The following PRKD1 variants were observed in gnomAD, a reference collection of about 807,000 sequenced individuals.
The protein encoded by PRKD1 is serine/threonine-protein kinase D1.
Under a neutral mutation model 95.9 loss-of-function variants are expected in PRKD1, and 63 were observed. The observed-to-expected ratio is 0.66, with a 90% confidence interval of 0.54 to 0.81. PRKD1 has a LOEUF of 0.81. PRKD1 is among the 30% of genes least tolerant of loss of function. The probability of loss-of-function intolerance (pLI) is 0.00; values close to 1 mark genes in which losing one functional copy is unlikely to be tolerated. For missense variants in PRKD1, 1,048 were observed against 1,165.3 expected (o/e 0.90, Z 1.47); for synonymous variants, 425 against 423.1 (o/e 1.00, Z -0.05).
chr14:29,660,735 T>G (rs907896633), intron 4 of PRKD1, among the ~76,000 whole-genome samples: 5 of 152,126 alleles, frequency 3.3e-5, no homozygotes, highest in African/African-American at 1.2e-4. Flanking sequence ...AATAAAAAGA[T>G]GAGTAAAGCA....
At chr14:29,682,454 T>C (rs1883590558) in intron 2 of PRKD1, among the ~76,000 whole-genome samples, 1 of 152,208 alleles carries the variant, frequency 6.6e-6, no homozygotes, top group Non-Finnish European at 1.5e-5. Context: ...CTTTGGAATA[T>C]TCTGAAAAAT....
chr14:29,764,138 T>G (rs895630385), intron 1 of PRKD1, among the ~76,000 whole-genome samples: 1 of 152,058 alleles, frequency 6.6e-6, no homozygotes. Context: ...ATAGACTCAG[T>G]CAAAATCTCT....
At chr14:29,882,229 T>C (rs1018304265) in intron 1 of PRKD1, among the ~76,000 whole-genome samples, 7 of 152,226 alleles carry the variant, frequency 4.6e-5, no homozygotes, top group Non-Finnish European at 7.3e-5. Flanking sequence ...TCAATTAATC[T>C]ACAAATAATA....
At chr14:29,675,497 C>T (rs1463764249) in intron 2 of PRKD1, among the ~76,000 whole-genome samples, 5 of 152,168 alleles carry the variant, frequency 3.3e-5, no homozygotes, top group South Asian at 2.1e-4. Flanking sequence ...TAGCTTCTTT[C>T]GGTATAATGC....
intron 2 of PRKD1, among the ~76,000 whole-genome samples, chr14:29,720,779 CA>C (rs199687649): frequency 6.8e-6 from 1 of 146,782 alleles, no homozygotes; most frequent in African/African-American, 2.6e-5. Flanking sequence ...GATTCTGTCT[CA>C]AAAAAAATAA....
At position 29,666,083 on chromosome 14, in the gene PRKD1, A is replaced by G; in HGVS notation, c.529T>C (p.Cys177Arg). Residue 177 changes from cysteine (C) to arginine (R), a missense_variant, in exon 3 of 18, where the codon TGT becomes CGT. By Grantham distance (180) the Cys-to-Arg change is radical (BLOSUM62 -3). This residue lies in a region of PRKD1 where 275 missense variants were observed against 248.6 expected (regional missense o/e 1.11). Transcript: ENST00000331968. ...TGGGAAGAAAATAACTTACCTTCAC[A>G]TTTAAGACCTTGACGTACCAGCCCC... ...LWGLVRQGLK[C>R]EGCGLNYHKR... 1.3e-6 allele frequency: 2 copies of G among 1,589,170 alleles called. No individual in the cohort carries two copies.
At chr14:29,598,000 G>A (rs1893372773) in intron 15 of PRKD1, among the ~76,000 whole-genome samples, 2 of 152,140 alleles carry the variant, frequency 1.3e-5, no homozygotes, top group South Asian at 4.1e-4. Flanking sequence ...CCTTGGCAGG[G>A]TGCAGTGGCT....
intron 2 of PRKD1, among the ~76,000 whole-genome samples, chr14:29,714,987 A>G (rs1467779034): frequency 6.6e-6 from 1 of 152,134 alleles, no homozygotes; most frequent in Non-Finnish European, 1.5e-5. Flanking sequence ...GAGGGATAAC[A>G]TTAGGAGAAA....
chr14:29,740,720 C>T (rs568453829), intron 1 of PRKD1, among the ~76,000 whole-genome samples: 2 of 152,234 alleles, frequency 1.3e-5, no homozygotes, highest in South Asian at 2.1e-4. Context: ...ATCTTCAATT[C>T]TACTATTTGA....
At chr14:29,907,513 C>T (rs971372329) in intron 1 of PRKD1, among the ~76,000 whole-genome samples, 1 of 152,140 alleles carries the variant, frequency 6.6e-6, no homozygotes, top group African/African-American at 2.4e-5. Context: ...AGGCAAAGAT[C>T]CCTGGTCGTG....
chr14:29,646,894 G>A (rs2139163302), intron 4 of PRKD1, among the ~76,000 whole-genome samples: 1 of 152,232 alleles, frequency 6.6e-6, no homozygotes, highest in Non-Finnish European at 1.5e-5. Flanking sequence ...GTTCATATAG[G>A]AACGCACATG....
intron 4 of PRKD1, among the ~76,000 whole-genome samples, chr14:29,644,930 C>G (rs1467387892): frequency 6.6e-6 from 1 of 151,918 alleles, no homozygotes; most frequent in Non-Finnish European, 1.5e-5. Context: ...TTTCATAGCA[C>G]TTTACATGGA....
At chr14:29,786,367 GA>G (rs1343267736) in intron 1 of PRKD1, among the ~76,000 whole-genome samples, 4 of 152,140 alleles carry the variant, frequency 2.6e-5, no homozygotes, top group African/African-American at 9.7e-5. Context: ...ACTGGGTTAG[GA>G]AGAATTCCCT....
chr14:29,766,327 C>A (rs183230800), intron 1 of PRKD1, among the ~76,000 whole-genome samples: 16 of 152,306 alleles, frequency 1.1e-4, no homozygotes, highest in Admixed American at 5.2e-4. Flanking sequence ...TCCTTGATAG[C>A]TTTCTCAACC....
chr14:29,810,797 T>C (rs1594539478), intron 1 of PRKD1, among the ~76,000 whole-genome samples: 1 of 152,262 alleles, frequency 6.6e-6, no homozygotes, highest in East Asian at 1.9e-4. Context: ...ACAAACTATG[T>C]ATTTCAGCAC....
intron 1 of PRKD1, among the ~76,000 whole-genome samples, chr14:29,875,099 T>C (rs1252004204): frequency 6.6e-6 from 1 of 152,210 alleles, no homozygotes; most frequent in African/African-American, 2.4e-5. Context: ...GTAAATATAT[T>C]AATTCTTTAT....
intron 2 of PRKD1, among the ~76,000 whole-genome samples, chr14:29,699,792 A>G (rs560645235): frequency 6.6e-6 from 1 of 152,262 alleles, no homozygotes; most frequent in South Asian, 2.1e-4. Context: ...TCTTTGTTTT[A>G]CTGATTCAAA....
chr14:29,806,671 T>A (rs1198916434), intron 1 of PRKD1, among the ~76,000 whole-genome samples: 1 of 152,180 alleles, frequency 6.6e-6, no homozygotes, highest in Non-Finnish European at 1.5e-5. Context: ...ATTCCTGGAA[T>A]ATTCTACTGA....
rs565880189 is a variant in PRKD1 at position 29,849,226 on chromosome 14, C to T, written c.264+78023G>A. ...TAAAAGTGTGTGGCACCTCCCTCCT[C>T]TTTCTTTTCCTCCTGCTCTGGCCAT... is the stretch of plus-strand genomic sequence containing the variant. On this transcript the variant is annotated intron_variant, in intron 1 of 17. Coordinates refer to ENST00000331968, the MANE Select transcript of PRKD1 (RefSeq NM_002742.3). 2.0e-5 allele frequency among the ~76,000 whole-genome samples: 3 copies of T among 152,314 alleles called. No homozygotes were observed. In the South Asian group the frequency reaches 6.2e-4, roughly 32 times the overall value.
Sources: allele counts gnomAD v4.1 joint callset (sites outside exome capture counted in the v4.1 genomes callset), GRCh38; gene constraint gnomAD v4.1.1; regional missense constraint gnomAD v4.1.1; transcripts MANE v1.5; gene names NCBI Gene and HGNC (gene_info 2026-07-23, HGNC 2026-07-21).